KLHL3: variants seen among roughly 807,000 people sequenced by gnomAD.
KLHL3 encodes kelch like family member 3.
KLHL3 carries 19 observed loss-of-function variants against 70.5 expected under a neutral mutation model. The ratio of observed to expected loss-of-function variants is 0.27; its 90% confidence interval spans 0.19 to 0.40. The LOEUF is 0.40. Ranked by LOEUF, KLHL3 falls within the 10% of genes least tolerant of loss-of-function variation. KLHL3 has a pLI of 1.00. For synonymous variants in KLHL3, 258 were observed against 290.3 expected (o/e 0.89, Z 1.13); for missense variants, 512 against 771.1 (o/e 0.66, Z 3.98).
rs139512344 is a variant in KLHL3 at position 137,692,288 on chromosome 5, C to T, written c.523G>A (p.Ala175Thr). The T allele has an allele frequency of 1.3e-5, 21 of 1,611,552 alleles. No individual in the cohort carries two copies. The highest frequency in any genetic ancestry group is 2.0e-4 in the Middle Eastern group (1 of 4,888). ...CAGCAGTCCGGCTCCCCCTTACCTGCGTAGGCATTGGCCTGCTGCAGAAGG... is the reference window on the plus strand; with the variant it reads ...CAGCAGTCCGGCTCCCCCTTACCTGTGTAGGCATTGGCCTGCTGCAGAAGG... ...TDLLQQANAY[A>T]EQHFPEVMLG... Residue 175 changes from alanine (A) to threonine (T), a missense_variant, in exon 5 of 15, where the codon GCA (alanine) becomes ACA (threonine). Ala to Thr is a moderately conservative substitution (Grantham distance 58). Coordinates refer to ENST00000309755, the MANE Select transcript of KLHL3 (RefSeq NM_017415.3).
intron 6 of KLHL3, among the ~76,000 whole-genome samples, chr5:137,666,870 C>T (rs1238485204): frequency 1.3e-5 from 2 of 152,172 alleles, no homozygotes; most frequent in African/African-American, 4.8e-5. Context: ...ATAAACATCG[C>T]CTCCCCAAAT....
In KLHL3 at chr5:137,620,838, G is replaced by A. The variant is rs945810668; in HGVS notation, c.*1260C>T. 6.6e-6 allele frequency: 1 copy of A among 152,212 alleles called. No homozygotes were observed. The highest frequency in any genetic ancestry group is 1.5e-5 in the Non-Finnish European group (1 of 68,066). The allele number at this position is 152,212 out of a possible 1,614,324, so 9.4% of individuals were successfully genotyped here. ...GGGAAAGCAGTAGTGGGGTTCTTGGGGGTTGGGGAGAGGGTGCACACCCTG... is the reference window on the plus strand; with the variant it reads ...GGGAAAGCAGTAGTGGGGTTCTTGGAGGTTGGGGAGAGGGTGCACACCCTG... On this transcript the variant is annotated 3_prime_UTR_variant, in exon 15 of 15. Transcript: ENST00000309755.
At chr5:137,645,561 A>G (rs1009625708) in intron 8 of KLHL3, among the ~76,000 whole-genome samples, 3 of 152,108 alleles carry the variant, frequency 2.0e-5, no homozygotes, top group African/African-American at 7.2e-5. Context: ...AACAATAGCT[A>G]CAAAAAAAAA....
intron 2 of KLHL3, among the ~76,000 whole-genome samples, chr5:137,710,484 C>T (rs1257025586): frequency 7.9e-5 from 12 of 152,164 alleles, no homozygotes; most frequent in African/African-American, 2.2e-4. Context: ...TTTGTCACCC[C>T]AACTCAGAAA....
chr5:137,694,060 G>C (rs557630650), intron 4 of KLHL3, among the ~76,000 whole-genome samples: 1 of 151,648 alleles, frequency 6.6e-6, no homozygotes, highest in Non-Finnish European at 1.5e-5. Flanking sequence ...GGACTTTCAG[G>C]GCTAAAAATG....
chr5:137,691,759 C>T (rs753223180), intron 5 of KLHL3, among the ~76,000 whole-genome samples: 3 of 146,306 alleles, frequency 2.1e-5, no homozygotes, highest in Non-Finnish European at 4.5e-5. Flanking sequence ...TACAGGCGCC[C>T]GCCACCAAGC....
At chr5:137,708,711 T>A (rs1182364725) in intron 3 of KLHL3, among the ~76,000 whole-genome samples, 1 of 152,094 alleles carries the variant, frequency 6.6e-6, no homozygotes, top group Non-Finnish European at 1.5e-5. Context: ...GAAGTCAAGT[T>A]ATAGGATAGA....
chr5:137,687,192 A>C, intron 5 of KLHL3, among the ~76,000 whole-genome samples: 3 of 39,200 alleles, frequency 7.7e-5, no homozygotes, highest in South Asian at 1.4e-3. Flanking sequence ...GGCTGCCCCT[A>C]CTGGGAAGTG....
intron 8 of KLHL3, among the ~76,000 whole-genome samples, chr5:137,651,043 G>A (rs1475025507): frequency 6.6e-6 from 1 of 152,158 alleles, no homozygotes; most frequent in African/African-American, 2.4e-5. Flanking sequence ...ATATAAAGTA[G>A]GATATAAATC....
In KLHL3 at chr5:137,720,585, CTG is replaced by C; in HGVS notation, c.15-3_15-2del. 6.2e-7 allele frequency: 1 copy of C among 1,613,990 alleles called. No homozygotes were observed. Among genetic ancestry groups the C allele is most frequent in the Non-Finnish European group, 8.5e-7 (1 of 1,180,000 alleles). On this transcript the variant is annotated splice_acceptor_variant and splice_polypyrimidine_tract_variant and intron_variant, in intron 1 of 14. Transcript: ENST00000309755. LOFTEE classifies it high-confidence loss of function. The stretch of plus-strand genomic sequence containing the variant: ...CAGAGTCTGGGAGCTCAGCTTGACA[CTG>C]TGAACAGGAAGGAAGAGGGAGGGAA...
At chr5:137,731,812 G>GCACCA (rs1753177976) in intron 1 of KLHL3, among the ~76,000 whole-genome samples, 1 of 152,074 alleles carries the variant, frequency 6.6e-6, no homozygotes, top group Non-Finnish European at 1.5e-5. Context: ...TGTAACTCTT[G>GCACCA]CAGATCTGCC....
intron 6 of KLHL3, among the ~76,000 whole-genome samples, chr5:137,667,603 G>C (rs1057141276): frequency 2.0e-5 from 3 of 152,178 alleles, no homozygotes; most frequent in African/African-American, 4.8e-5. Context: ...AGGCAGCCAA[G>C]CTAGGCTGGA....
At chr5:137,732,734 C>CA (rs1194458971) in intron 1 of KLHL3, among the ~76,000 whole-genome samples, 1 of 152,136 alleles carries the variant, frequency 6.6e-6, no homozygotes, top group Non-Finnish European at 1.5e-5. Flanking sequence ...ATGATAATAG[C>CA]AACTACCATC....
chr5:137,716,029 A>T (rs1752885605), intron 2 of KLHL3, among the ~76,000 whole-genome samples: 1 of 152,230 alleles, frequency 6.6e-6, no homozygotes, highest in Non-Finnish European at 1.5e-5. Context: ...TTATATGGCT[A>T]CAAAGATAAC....
In KLHL3 at chr5:137,621,920, G is replaced by T. The variant is rs1253729342; in HGVS notation, c.*178C>A. ...GCCAGAGCACCTCAGGGGAACGGGG[G>T]TGGGTAATGGTGTCCACACTGCGAT... On this transcript the variant is annotated 3_prime_UTR_variant, in exon 15 of 15. Coordinates refer to ENST00000309755, the MANE Select transcript of KLHL3 (RefSeq NM_017415.3). The T allele has an allele frequency of 8.8e-6, 6 of 679,360 alleles. No individual in the cohort carries two copies. The highest frequency in any genetic ancestry group is 1.8e-5 in the African/African-American group (1 of 56,426). 42.1% of individuals were successfully genotyped at this position (679,360 alleles called of 1,614,324 possible). A position where few individuals can be genotyped will look rare whatever the true frequency, so the allele number is the denominator to read the frequency against.
intron 14 of KLHL3, 123 bp from the exon 15 acceptor site, chr5:137,622,249 C>T (rs547884346): frequency 4.2e-6 from 5 of 1,185,684 alleles, no homozygotes; most frequent in African/African-American, 1.5e-5. Context: ...AATTTTTATC[C>T]TAATATTGAA....
At chr5:137,734,780 T>C (rs954495334) in intron 1 of KLHL3, among the ~76,000 whole-genome samples, 2 of 152,074 alleles carry the variant, frequency 1.3e-5, no homozygotes, top group Non-Finnish European at 2.9e-5. Context: ...AATGAAGAGG[T>C]TGGCACTCAA....
rs1049792143 is a variant in KLHL3, at chr5:137,639,160, A to G, written c.1022-10T>C. The G allele has an allele frequency of 6.2e-6, 10 of 1,612,852 alleles. No homozygotes were observed. The South Asian group carries it at 9.9e-5, about 16-fold the overall frequency. ...GCCATGAACACCACACCTGAGGCAC[A>G]GGAAACCAAGACATCAAGGTCAGGT... On this transcript the variant is annotated splice_polypyrimidine_tract_variant and intron_variant, in intron 9 of 14. Transcript: ENST00000309755. This position sits in a 1 kb window ranked among gnomAD's most constrained non-coding sequence, Gnocchi z 5.0.
At chr5:137,634,891 G>A (rs1255491493) in intron 11 of KLHL3, among the ~76,000 whole-genome samples, 1 of 152,152 alleles carries the variant, frequency 6.6e-6, no homozygotes, top group Non-Finnish European at 1.5e-5. Flanking sequence ...GACACAGGAG[G>A]AAAAATTTGG....
Sources: allele counts gnomAD v4.1 joint callset (sites outside exome capture counted in the v4.1 genomes callset), GRCh38; gene constraint gnomAD v4.1.1; non-coding constraint Gnocchi (gnomAD v3.1); transcripts MANE v1.5; gene names NCBI Gene and HGNC (gene_info 2026-07-23, HGNC 2026-07-21).